Variants in PCNX3 observed in about 807,000 individuals in gnomAD.
PCNX3 encodes pecanex-like protein 3.
In PCNX3, 58 loss-of-function variants were observed where a neutral mutation model predicts 207.2. The observed-to-expected ratio is 0.28, with a 90% CI of 0.23 to 0.35. PCNX3 has a LOEUF of 0.35. PCNX3 is among the 10% of genes least tolerant of loss of function. The probability of loss-of-function intolerance (pLI) is 1.00; values close to 1 mark genes in which losing one functional copy is unlikely to be tolerated. For synonymous variants in PCNX3, 1,337 were observed against 1,183.5 expected (o/e 1.13, Z -2.66); for missense variants, 2,410 against 2,774.4 (o/e 0.87, Z 2.95).
Position 65,635,744 on chromosome 11 carries a change from G to T in PCNX3, c.5400G>T (p.Leu1800=), listed in dbSNP as rs61739949. The T allele has an allele frequency of 6.2e-7, 1 of 1,603,902 alleles. No homozygotes were observed. Among genetic ancestry groups the T allele is most frequent in the African/African-American group, 1.3e-5 (1 of 74,762 alleles). The change falls in exon 32 of 35, where the codon CTG becomes CTT. Residue 1800 remains leucine, a synonymous_variant. Coordinates refer to ENST00000355703, the MANE Select transcript of PCNX3 (RefSeq NM_032223.4). This position sits in a 1 kb window ranked among gnomAD's most constrained non-coding sequence, Gnocchi z 9.9. ...LAGSHPQLRA[L]WGGPISLGAI... ...GCAGCCACCCCCAGCTACGGGCACT[G>T]TGGGGTGGCCCCATCAGCCTGGGTG... is the stretch of plus-strand genomic sequence containing the variant.
rs889708575 is a variant in PCNX3 at position 65,616,155 on chromosome 11, A to G, written c.-157A>G. ...CCGGCCGGCCCCGCCCCCTGCTCGC[A>G]CCCTCGCGCGGCCGAGCCCCCCTCC... On this transcript the variant is annotated 5_prime_UTR_variant, in exon 1 of 35. Coordinates refer to ENST00000355703, the MANE Select transcript of PCNX3 (RefSeq NM_032223.4). 1.7e-5 allele frequency: 8 copies of G among 461,346 alleles called. No homozygotes were observed. Among genetic ancestry groups the G allele is most frequent in the Non-Finnish European group, 2.8e-5 (8 of 284,734 alleles). The allele number at this position is 461,346 out of a possible 1,614,324, so 28.6% of individuals were successfully genotyped here. A position where few individuals can be genotyped will look rare whatever the true frequency, so the allele number is the denominator to read the frequency against.
Position 65,626,025 on chromosome 11 carries a change from C to T in PCNX3, c.3350C>T (p.Pro1117Leu), listed in dbSNP as rs1359021142. 6 of 1,611,598 alleles carry T rather than the reference C, an allele frequency of 3.7e-6. No homozygotes were observed. Among genetic ancestry groups the T allele is most frequent in the Admixed American group, 1.7e-5 (1 of 59,670 alleles). ...WFCLSQPVLK[P>L]LEYSQYEVRG... Reference sequence around the variant, plus strand: ...TGCCTGTCACAGCCCGTGCTGAAGCCGCTGGAGTACAGCCAGTATGAAGTG... The same window carrying T: ...TGCCTGTCACAGCCCGTGCTGAAGCTGCTGGAGTACAGCCAGTATGAAGTG... The change falls in exon 20 of 35, where the codon CCG (proline) becomes CTG (leucine). Residue 1117 changes from proline to leucine, a missense_variant. Around this residue, in one of 8 missense-constraint regions of PCNX3, gnomAD observed 333 missense variants for 386.8 expected, o/e 0.86. Coordinates refer to ENST00000355703, the MANE Select transcript of PCNX3 (RefSeq NM_032223.4).
Position 65,620,903 on chromosome 11 carries a change from G to A in PCNX3, c.2172G>A (p.Leu724=). ...AGGCTACAGGCGGCCTGAACCTGCTGCAGCCGAGGCCTGTGGTTCTGCAGG... is the reference window on the plus strand; with the variant it reads ...AGGCTACAGGCGGCCTGAACCTGCTACAGCCGAGGCCTGTGGTTCTGCAGG... The part of the protein sequence containing the change: ...VPEATGGLNL[L]QPRPVVLQGM... The change falls in exon 10 of 35, where the codon CTG becomes CTA. Residue 724 remains leucine, a synonymous_variant. Coordinates refer to ENST00000355703, the MANE Select transcript of PCNX3 (RefSeq NM_032223.4). 1.9e-6 allele frequency: 3 copies of A among 1,567,038 alleles called. No individual in the cohort carries two copies. Among genetic ancestry groups the A allele is most frequent in the Non-Finnish European group, 2.6e-6 (3 of 1,156,708 alleles).
chr11:65,626,170 A>G (rs1208271640), intron 20 of PCNX3, 116 bp downstream of exon 20: 8 of 1,380,526 alleles, frequency 5.8e-6, no homozygotes, highest in South Asian at 2.5e-5. Flanking sequence ...CGCTGCCCAC[A>G]CTACCCTTTC....
At position 65,618,127 on chromosome 11, in the gene PCNX3, C is replaced by G; in HGVS notation, c.765C>G (p.Thr255=). 6.2e-7 allele frequency: 1 copy of G among 1,610,972 alleles called. No individual in the cohort carries two copies. The stretch of plus-strand genomic sequence containing the variant: ...AGGAGCTGAGCAAGAGCTTCCTGAC[C>G]CTGACCCAGCCTGACCGGGCCCTGG... ...LSQELSKSFL[T]LTQPDRALVR... Residue 255 remains threonine (T), a synonymous_variant, in exon 6 of 35, where the codon ACC becomes ACG. Transcript: ENST00000355703.
chr11:65,631,581 C>T (rs1855617840), intron 27 of PCNX3, among the ~76,000 whole-genome samples: 1 of 152,138 alleles, frequency 6.6e-6, no homozygotes, highest in South Asian at 2.1e-4. Context: ...ATCACTTGAA[C>T]CTGGGAGGCA....
chr11:65,626,724 C>A, intron 20 of PCNX3, 180 bp from the exon 21 acceptor site: 1 of 762,836 alleles, frequency 1.3e-6, no homozygotes, highest in Non-Finnish European at 2.1e-6. Context: ...GTGCTAAGTG[C>A]CATGTGGAGC....
In PCNX3 at chr11:65,618,778, T is replaced by C. The variant is rs762984785; in HGVS notation, c.1416T>C (p.His472=). 1.9e-6 allele frequency: 3 copies of C among 1,611,416 alleles called. No homozygotes were observed. Among genetic ancestry groups the C allele is most frequent in the East Asian group, 4.5e-5 (2 of 44,834 alleles). ...GACCCCGGAAGCGGAGGGCCCCCCA[T>C]GGGGCTGAGGAGGGAACTGCTGTGC... ...AGGPRKRRAP[H]GAEEGTAVPP... Residue 472 remains histidine (H), a synonymous_variant, in exon 6 of 35, where the codon CAT becomes CAC. Coordinates refer to ENST00000355703, the MANE Select transcript of PCNX3 (RefSeq NM_032223.4).
intron 29 of PCNX3, 64 bp from the exon 30 acceptor site, chr11:65,634,909 C>G: frequency 1.3e-6 from 2 of 1,561,274 alleles, no homozygotes; most frequent in Non-Finnish European, 1.7e-6. Flanking sequence ...TTGGATCACT[C>G]TGAAGCCTTA....
At position 65,618,246 on chromosome 11, in the gene PCNX3, C is replaced by T. The variant is rs746491663; in HGVS notation, c.884C>T (p.Ala295Val). The T allele has an allele frequency of 2.5e-6, 4 of 1,608,610 alleles. No individual in the cohort carries two copies. The highest frequency in any genetic ancestry group is 3.4e-5 in the Admixed American group (2 of 59,436). Residue 295 changes from alanine (A) to valine (V), a missense_variant, in exon 6 of 35, where the codon GCC (alanine) becomes GTC (valine). Around this residue, in one of 8 missense-constraint regions of PCNX3, gnomAD observed 1,104 missense variants for 970.3 expected, o/e 1.14. Coordinates refer to ENST00000355703, the MANE Select transcript of PCNX3 (RefSeq NM_032223.4). Reference protein sequence around the residue: ...RGSGEPTPQKAGSSDSCFSGT... With the variant: ...RGSGEPTPQKVGSSDSCFSGT... ...TCAGGGGAGCCCACGCCCCAGAAAG[C>T]CGGCTCCTCAGACTCCTGCTTCAGC...
Position 65,625,006 on chromosome 11 carries a change from G to C in PCNX3, c.2909G>C (p.Gly970Ala), listed in dbSNP as rs1279142177. The C allele has an allele frequency of 1.7e-5, 27 of 1,612,320 alleles. No individual in the cohort carries two copies. Among genetic ancestry groups the C allele is most frequent in the Non-Finnish European group, 2.3e-5 (27 of 1,179,444 alleles). Residue 970 changes from glycine to alanine, a missense_variant, in exon 16 of 35, where the codon GGG becomes GCG. Coordinates refer to ENST00000355703, the MANE Select transcript of PCNX3 (RefSeq NM_032223.4). This position sits in a 1 kb window ranked among gnomAD's most constrained non-coding sequence, Gnocchi z 5.6. Reference sequence around the variant, plus strand: ...GCCCTGCTCTACGGTTTCTGCCTTGGGGCCATCAAGGTAGGGGTGGCTTGC... The same window carrying C: ...GCCCTGCTCTACGGTTTCTGCCTTGCGGCCATCAAGGTAGGGGTGGCTTGC... ...AAALLYGFCL[G>A]AIKTPWPEQH...
chr11:65,631,001 G>A (rs929236123), intron 27 of PCNX3, among the ~76,000 whole-genome samples: 1 of 152,244 alleles, frequency 6.6e-6, no homozygotes, highest in Non-Finnish European at 1.5e-5. Flanking sequence ...ACGGGTGGGC[G>A]CTATGCTGGG....
chr11:65,624,424 C>A (rs372680716), intron 14 of PCNX3, 47 bp from the exon 15 acceptor site: 4 of 1,553,244 alleles, frequency 2.6e-6, no homozygotes, highest in Non-Finnish European at 3.5e-6. Flanking sequence ...GGGTGGGCCG[C>A]GGAAAGCCAG....
At chr11:65,620,769 T>A in intron 9 of PCNX3, 62 bp from the exon 10 acceptor site, 1 of 1,560,594 alleles carries the variant, frequency 6.4e-7, no homozygotes, top group Non-Finnish European at 8.7e-7. Context: ...GGCCTCGGCC[T>A]CGACCCCACC....
chr11:65,633,169 C>T (rs1398151541), intron 27 of PCNX3, among the ~76,000 whole-genome samples: 1 of 152,198 alleles, frequency 6.6e-6, no homozygotes, highest in Non-Finnish European at 1.5e-5. Context: ...CCATTAGCTC[C>T]ATCTTAGGGT....
At position 65,628,657 on chromosome 11, in the gene PCNX3, C is replaced by G. The variant is rs768847083; in HGVS notation, c.3765C>G (p.Thr1255=). 1 of 1,611,676 alleles carries G rather than the reference C, an allele frequency of 6.2e-7. No individual in the cohort carries two copies. Among genetic ancestry groups the G allele is most frequent in the South Asian group, 1.1e-5 (1 of 91,022 alleles). ...CCTACATCGCGCCCTGGCAGATCAC[C>G]TGGGGCTCGGCTTTCCACGCTTTTG... ...VLTYIAPWQI[T]WGSAFHAFAQ... is the part of the protein sequence containing the mutation. The change falls in exon 23 of 35, where the codon ACC becomes ACG. Residue 1255 remains threonine (T), a synonymous_variant. Transcript: ENST00000355703.
rs529319187 is a variant in PCNX3, at chr11:65,617,636, G to A, written c.507G>A (p.Gln169=). 8.1e-6 allele frequency: 13 copies of A among 1,605,906 alleles called. No homozygotes were observed. The East Asian group carries it at 2.5e-4, about 30-fold the overall frequency. Residue 169 remains glutamine (Q), a synonymous_variant, in exon 5 of 35, where the codon CAG becomes CAA. Transcript: ENST00000355703. ...LRDIKELVRE[Q]GSNNVIVTSA... ...ACATCAAGGAGCTGGTGCGGGAGCA[G>A]GGCAGCAACAATGTGATCGTGACTT... is the stretch of plus-strand genomic sequence containing the variant.
chr11:65,622,526 G>A lies in PCNX3; in HGVS notation c.2357+160G>A, dbSNP rs138403842. 3.0e-3 allele frequency among the ~76,000 whole-genome samples: 453 copies of A among 152,306 alleles called. 3 individuals are homozygous for A. Among genetic ancestry groups the A allele is most frequent in the African/African-American group, 0.011 (443 of 41,554 alleles). ...GGAGTCTGCAGTGGTGGTTTCTATG[G>A]TTCATTTGTGGTGTAAAGGGGTGGC... On this transcript the variant is annotated intron_variant, in intron 11 of 34. Coordinates refer to ENST00000355703, the MANE Select transcript of PCNX3 (RefSeq NM_032223.4).
rs765618081 is a variant in PCNX3, at chr11:65,624,317, C to T, written c.2667C>T (p.Leu889=). Reference sequence around the variant, plus strand: ...TCCCACCTGTCTCCCTCTACGGCCTCACGCTCTTCTCTGCCTCCTTCTTCT... The same window carrying T: ...TCCCACCTGTCTCCCTCTACGGCCTTACGCTCTTCTCTGCCTCCTTCTTCT... ...QPFPPVSLYG[L]TLFSASFFFC... Residue 889 remains leucine (L), a synonymous_variant, in exon 14 of 35, where the codon CTC becomes CTT. Coordinates refer to ENST00000355703, the MANE Select transcript of PCNX3 (RefSeq NM_032223.4). 7 of 1,568,170 alleles carry T rather than the reference C, an allele frequency of 4.5e-6. No individual in the cohort carries two copies. The South Asian group carries it at 8.2e-5, about 18-fold the overall frequency.
Sources: gnomAD v4.1 joint callset for allele counts (sites outside exome capture counted in the v4.1 genomes callset) on GRCh38, gnomAD v4.1.1 for gene constraint, gnomAD v4.1.1 regional missense constraint, Gnocchi (gnomAD v3.1) non-coding constraint, MANE v1.5 for transcripts, NCBI Gene and HGNC (gene_info 2026-07-23, HGNC 2026-07-21) for gene names.